FUT9: variants seen among roughly 807,000 people sequenced by gnomAD.
FUT9 encodes the protein fucosyltransferase 9.
In FUT9, 15 loss-of-function variants were observed where a neutral mutation model predicts 29.7. The ratio of observed to expected loss-of-function variants is 0.51; its 90% CI spans 0.34 to 0.78. FUT9 has a LOEUF of 0.78. Among genes scored for constraint, FUT9 ranks in the 30% least tolerant of loss-of-function variants. The pLI, the probability that FUT9 is intolerant of heterozygous loss-of-function variation, is 0.01. For synonymous variants in FUT9, 169 were observed against 153.7 expected, an observed-to-expected ratio of 1.10 and a Z score of -0.74; for missense variants, 319 against 425.4, an observed-to-expected ratio of 0.75 and a Z score of 2.20.
At chr6:96,086,370 C>T (rs1771316902) in intron 1 of FUT9, among the ~76,000 whole-genome samples, 1 of 152,156 alleles carries the variant, frequency 6.6e-6, no homozygotes, top group Non-Finnish European at 1.5e-5. Context: ...AATTTGTTGT[C>T]AGCTTTACAC....
rs147118301 is a variant in FUT9 at position 96,148,436 on chromosome 6, C to A, written c.-9+34309C>A. 9.8e-5 allele frequency among the ~76,000 whole-genome samples: 15 copies of A among 152,310 alleles called. No individual in the cohort carries two copies. In the East Asian group the frequency reaches 2.7e-3, roughly 27 times the overall value. ...GGGAGTACTCTGTAATGCATCAAAA[C>A]AGATTCAGATTGCTGGCTTTTTCAA... On this transcript the variant is annotated intron_variant, in intron 2 of 2. Transcript: ENST00000302103.
chr6:96,171,560 C>T (rs1172383671), intron 2 of FUT9, among the ~76,000 whole-genome samples: 4 of 152,182 alleles, frequency 2.6e-5, no homozygotes, highest in Non-Finnish European at 4.4e-5. Context: ...AGCTCCTCCA[C>T]TTATGGCTCA....
chr6:96,060,650 C>G (rs1295501831), intron 1 of FUT9, among the ~76,000 whole-genome samples: 1 of 152,016 alleles, frequency 6.6e-6, no homozygotes, highest in African/African-American at 2.4e-5. Flanking sequence ...AATTCTCCTG[C>G]CTCAGCCTCC....
rs6900000 is a variant in FUT9, at chr6:96,083,094, C to A, written c.-97-30945C>A. Among the ~76,000 whole-genome samples the A allele has an allele frequency of 2.1e-4, 32 of 151,828 alleles. No individual in the cohort carries two copies. In the East Asian group the frequency reaches 3.5e-3, roughly 17 times the overall value. ...TCACACACTGAACATTTTATATTTC[C>A]TTATTCTTTGATGTGTTTGTGACCT... On this transcript the variant is annotated intron_variant, in intron 1 of 2. Coordinates refer to ENST00000302103, the MANE Select transcript of FUT9 (RefSeq NM_006581.4).
intron 2 of FUT9, among the ~76,000 whole-genome samples, chr6:96,115,337 T>A (rs986833052): frequency 6.6e-6 from 1 of 152,150 alleles, no homozygotes; most frequent in Admixed American, 6.5e-5. Flanking sequence ...ATGAGACAAT[T>A]TGCATTCTTT....
intron 1 of FUT9, among the ~76,000 whole-genome samples, chr6:96,043,297 C>T (rs1452080022): frequency 1.4e-5 from 1 of 71,388 alleles, no homozygotes; most frequent in East Asian, 5.0e-4. Context: ...GTGATCCTCT[C>T]GCCTCGGGTC....
intron 1 of FUT9, among the ~76,000 whole-genome samples, chr6:96,031,039 T>C (rs1770251631): frequency 6.6e-6 from 1 of 151,442 alleles, no homozygotes; most frequent in Non-Finnish European, 1.5e-5. Flanking sequence ...TCAAAATTCA[T>C]AGAACTTGCC....
intron 1 of FUT9, among the ~76,000 whole-genome samples, chr6:96,105,026 A>G (rs1771652761): frequency 6.6e-6 from 1 of 152,216 alleles, no homozygotes; most frequent in African/African-American, 2.4e-5. Context: ...ACTTAGAGTC[A>G]GATTTATTCA....
intron 1 of FUT9, chr6:96,036,965 T>C (rs1394807493): frequency 1.3e-5 from 2 of 152,006 alleles, no homozygotes; most frequent in Non-Finnish European, 2.9e-5. Flanking sequence ...AGTAAACTCC[T>C]ACTCTGGAAA....
intron 2 of FUT9, among the ~76,000 whole-genome samples, chr6:96,189,287 T>C (rs1048196999): frequency 2.0e-5 from 3 of 152,030 alleles, no homozygotes; most frequent in Admixed American, 6.6e-5. Context: ...GAATGCAACA[T>C]TGGCATGTGC....
chr6:96,163,672 G>T (rs1772956710), intron 2 of FUT9, among the ~76,000 whole-genome samples: 1 of 152,074 alleles, frequency 6.6e-6, no homozygotes, highest in Non-Finnish European at 1.5e-5. Context: ...GATTCTGGGG[G>T]TTGCCTGATT....
intron 1 of FUT9, among the ~76,000 whole-genome samples, chr6:96,029,418 G>A (rs1305201156): frequency 1.3e-5 from 2 of 151,440 alleles, no homozygotes; most frequent in African/African-American, 4.8e-5. Flanking sequence ...TAAGGGATTG[G>A]CTGCCACTTC....
At chr6:96,155,095 C>T (rs989765577) in intron 2 of FUT9, among the ~76,000 whole-genome samples, 4 of 152,184 alleles carry the variant, frequency 2.6e-5, no homozygotes, top group African/African-American at 9.7e-5. Flanking sequence ...AGCAAAGATT[C>T]TCTCAATTCT....
At chr6:96,096,104 C>T (rs1771490207) in intron 1 of FUT9, among the ~76,000 whole-genome samples, 1 of 152,034 alleles carries the variant, frequency 6.6e-6, no homozygotes, top group Non-Finnish European at 1.5e-5. Context: ...TAATATATAT[C>T]TCAAATTTAT....
chr6:96,120,251 A>G (rs888245850), intron 2 of FUT9, among the ~76,000 whole-genome samples: 1 of 139,464 alleles, frequency 7.2e-6, no homozygotes, highest in African/African-American at 2.6e-5. Context: ...TATAAGACCC[A>G]CTTTTTCTTT....
intron 2 of FUT9, among the ~76,000 whole-genome samples, chr6:96,163,764 T>C (rs912162453): frequency 1.3e-5 from 2 of 152,278 alleles, no homozygotes; most frequent in East Asian, 3.9e-4. Flanking sequence ...CCTCAAGTAT[T>C]CCTCCCTTTT....
intron 1 of FUT9, among the ~76,000 whole-genome samples, chr6:96,066,746 T>A (rs1237522187): frequency 2.6e-5 from 4 of 152,106 alleles, no homozygotes; most frequent in Non-Finnish European, 5.9e-5. Flanking sequence ...ATGTACTTTA[T>A]TTCCAGAACT....
intron 1 of FUT9, among the ~76,000 whole-genome samples, chr6:96,021,266 T>TTTGTTGTTGTTGTTG (rs1554187068): frequency 2.0e-5 from 3 of 151,946 alleles, no homozygotes; most frequent in African/African-American, 7.2e-5. Context: ...GACAGAGTTT[T>TTTGTTGTTGTTGTTG]TTGTTGTTGT....
intron 2 of FUT9, among the ~76,000 whole-genome samples, chr6:96,144,616 TC>T (rs1315954548): frequency 6.6e-6 from 1 of 152,204 alleles, no homozygotes; most frequent in Non-Finnish European, 1.5e-5. Context: ...CTCCGTGATT[TC>T]AGCTATTAAG....
Sources: allele counts gnomAD v4.1 joint callset (sites outside exome capture counted in the v4.1 genomes callset), GRCh38; gene constraint gnomAD v4.1.1; transcripts MANE v1.5; gene names NCBI Gene and HGNC (gene_info 2026-07-23, HGNC 2026-07-21).